The following SMYD3 variants were observed in gnomAD, a reference collection of about 807,000 sequenced individuals.
SMYD3 encodes the protein histone-lysine N-methyltransferase SMYD3.
In SMYD3, 36 loss-of-function variants were observed where a neutral mutation model predicts 57.7. The ratio of observed to expected loss-of-function variants is 0.62; its 90% CI spans 0.48 to 0.82. SMYD3 has a LOEUF of 0.82. SMYD3 is among the 40% of genes least tolerant of loss of function. SMYD3 has a pLI of 0.00. For missense variants in SMYD3, 515 were observed against 538.8 expected (o/e 0.96, Z 0.44); for synonymous variants, 211 against 195.0 (o/e 1.08, Z -0.68).
chr1:246,197,052 T>C (rs2062838758), intron 5 of SMYD3, among the ~76,000 whole-genome samples: 1 of 151,058 alleles, frequency 6.6e-6, no homozygotes, highest in South Asian at 2.1e-4. Flanking sequence ...AGAAATCAAC[T>C]GAAAAAGTTC....
intron 5 of SMYD3, chr1:245,955,709 C>T (rs763429402): frequency 1.3e-5 from 2 of 153,138 alleles, no homozygotes; most frequent in Non-Finnish European, 2.9e-5. Context: ...AAACAGTATA[C>T]ATGAGGTTCA....
intron 5 of SMYD3, among the ~76,000 whole-genome samples, chr1:246,314,298 G>C (rs2065123350): frequency 6.6e-6 from 1 of 152,060 alleles, no homozygotes; most frequent in Non-Finnish European, 1.5e-5. Flanking sequence ...TCCATAATTA[G>C]GGCTCTAACA....
intron 1 of SMYD3, among the ~76,000 whole-genome samples, chr1:246,458,509 C>T (rs868235970): frequency 7.7e-6 from 1 of 129,142 alleles, no homozygotes; most frequent in Non-Finnish European, 1.6e-5. Context: ...TGCAGTGGTG[C>T]GATCTCGGCT....
chr1:246,145,194 A>G (rs2061824210), intron 5 of SMYD3, among the ~76,000 whole-genome samples: 1 of 152,142 alleles, frequency 6.6e-6, no homozygotes, highest in Non-Finnish European at 1.5e-5. Context: ...GCAAATTTTA[A>G]TCTGAGCTAC....
At chr1:246,415,189 C>A (rs1440012825) in intron 1 of SMYD3, among the ~76,000 whole-genome samples, 1 of 152,138 alleles carries the variant, frequency 6.6e-6, no homozygotes, top group Non-Finnish European at 1.5e-5. Flanking sequence ...GAATTGTTAA[C>A]ACAGATACAC....
intron 5 of SMYD3, among the ~76,000 whole-genome samples, chr1:246,059,128 G>A (rs1040231946): frequency 3.3e-5 from 5 of 152,020 alleles, no homozygotes; most frequent in Non-Finnish European, 7.4e-5. Flanking sequence ...CGCCTGCCTC[G>A]GCCTCCCAAA....
chr1:246,463,661 CAAAAAAAAA>C (rs35482116), intron 1 of SMYD3, among the ~76,000 whole-genome samples: 18 of 73,122 alleles, frequency 2.5e-4, no homozygotes, highest in African/African-American at 3.4e-4. Flanking sequence ...ACTAAAAATA[CAAAAAAAAA>C]AAAAAAAAAA....
intron 5 of SMYD3, among the ~76,000 whole-genome samples, chr1:246,175,215 C>T (rs1367812592): frequency 2.0e-5 from 3 of 152,048 alleles, no homozygotes; most frequent in Non-Finnish European, 2.9e-5. Context: ...ATTGTGTCAT[C>T]GTATTTTGTA....
At chr1:246,103,463 C>T (rs900724840) in intron 5 of SMYD3, among the ~76,000 whole-genome samples, 3 of 151,808 alleles carry the variant, frequency 2.0e-5, no homozygotes, top group Admixed American at 1.3e-4. Flanking sequence ...AAAGCTCGTG[C>T]TCCTCACCTG....
chr1:246,268,973 C>T (rs531501399), intron 5 of SMYD3, among the ~76,000 whole-genome samples: 1 of 151,988 alleles, frequency 6.6e-6, no homozygotes, highest in Non-Finnish European at 1.5e-5. Flanking sequence ...CCTAAAGTAG[C>T]TGAAGAGTAA....
intron 5 of SMYD3, among the ~76,000 whole-genome samples, chr1:246,116,201 GACACACAC>G (rs56722969): frequency 0.42 from 61,370 of 145,642 alleles, 14,890 homozygotes; most frequent in Non-Finnish European, 0.57. Context: ...CCCTGAGATG[GACACACAC>G]ACACACACAC....
intron 1 of SMYD3, among the ~76,000 whole-genome samples, chr1:246,505,274 C>G (rs2068518940): frequency 6.9e-6 from 1 of 144,638 alleles, no homozygotes; most frequent in Non-Finnish European, 1.5e-5. Flanking sequence ...GCCAAAAAGG[C>G]TAAATACCGT....
chr1:246,399,966 C>T (rs959368471), intron 1 of SMYD3, among the ~76,000 whole-genome samples: 1 of 152,084 alleles, frequency 6.6e-6, no homozygotes, highest in African/African-American at 2.4e-5. Flanking sequence ...CTGACATTAG[C>T]AAGCCATTAA....
chr1:246,368,516 C>G (rs766219973), intron 1 of SMYD3, among the ~76,000 whole-genome samples: 1 of 152,182 alleles, frequency 6.6e-6, no homozygotes, highest in African/African-American at 2.4e-5. Context: ...ATAATCAACT[C>G]ATTATTCAGA....
chr1:246,194,275 T>TTG (rs2062793222), intron 5 of SMYD3, among the ~76,000 whole-genome samples: 1 of 151,194 alleles, frequency 6.6e-6, no homozygotes, highest in African/African-American at 2.4e-5. Flanking sequence ...TTTTTTTGTT[T>TTG]TTTTTTTTTT....
At chr1:245,935,918 A>G (rs1017485373) in intron 5 of SMYD3, among the ~76,000 whole-genome samples, 1 of 152,212 alleles carries the variant, frequency 6.6e-6, no homozygotes, top group African/African-American at 2.4e-5. Context: ...CAAAGGGTGC[A>G]AAGTTTCACC....
At chr1:246,465,554 C>A (rs144449043) in intron 1 of SMYD3, among the ~76,000 whole-genome samples, 1 of 152,168 alleles carries the variant, frequency 6.6e-6, no homozygotes, top group African/African-American at 2.4e-5. Flanking sequence ...CCTATCGGGG[C>A]GGGGCACGGT....
intron 10 of SMYD3, among the ~76,000 whole-genome samples, chr1:245,852,556 C>T (rs1162379173): frequency 1.3e-5 from 2 of 152,112 alleles, no homozygotes; most frequent in East Asian, 1.9e-4. Context: ...TCATATTAGC[C>T]TTGGATTATC....
intron 5 of SMYD3, among the ~76,000 whole-genome samples, chr1:246,312,212 G>C (rs1206250002): frequency 6.6e-6 from 1 of 152,070 alleles, no homozygotes; most frequent in Admixed American, 6.5e-5. Context: ...ATACTTAAAA[G>C]CCTTGATTTC....
Sources: allele counts gnomAD v4.1 joint callset (sites outside exome capture counted in the v4.1 genomes callset), GRCh38; gene constraint gnomAD v4.1.1; transcripts MANE v1.5; gene names NCBI Gene and HGNC (gene_info 2026-07-23, HGNC 2026-07-21).